Variants in SUCLG2 observed in about 807,000 individuals in gnomAD.
SUCLG2 encodes the protein succinate--CoA ligase [GDP-forming] subunit beta, mitochondrial.
Under a neutral mutation model 47.9 loss-of-function variants are expected in SUCLG2, and 42 were observed. The observed-to-expected ratio is 0.88, with a 90% CI of 0.69 to 1.14. SUCLG2 has a LOEUF of 1.14. Ranked by LOEUF, SUCLG2 falls within the 50% of genes most tolerant of loss-of-function variation. SUCLG2 has a pLI of 0.00. For missense variants in SUCLG2, 571 were observed against 525.9 expected (o/e 1.09, Z -0.84); for synonymous variants, 195 against 197.3 (o/e 0.99, Z 0.10).
intron 10 of SUCLG2, among the ~76,000 whole-genome samples, chr3:67,390,100 T>C (rs1337326336): frequency 6.6e-6 from 1 of 152,202 alleles, no homozygotes; most frequent in Non-Finnish European, 1.5e-5. Context: ...CTGCCACATG[T>C]TTATCACAGT....
rs943004541 is a variant in SUCLG2 at position 67,369,139 on chromosome 3, C to T, written c.1184-8371G>A. ...CCTTCTCCACTGATTTTCTTACCTC[C>T]CTTTTCTTCTTTTTCTGTTTTTATG... On this transcript the variant is annotated intron_variant, in intron 10 of 10. Transcript: ENST00000493112. 3.3e-5 allele frequency among the ~76,000 whole-genome samples: 5 copies of T among 151,944 alleles called. No individual in the cohort carries two copies. The East Asian group carries it at 7.7e-4, about 23-fold the overall frequency.
chr3:67,383,504 C>G (rs150049892), intron 10 of SUCLG2, among the ~76,000 whole-genome samples: 1 of 152,184 alleles, frequency 6.6e-6, no homozygotes, highest in Non-Finnish European at 1.5e-5. Flanking sequence ...CACACCTAAT[C>G]TCCTCGATGA....
intron 2 of SUCLG2, among the ~76,000 whole-genome samples, chr3:67,550,922 G>A (rs755845505): frequency 5.3e-5 from 8 of 152,090 alleles, no homozygotes; most frequent in Middle Eastern, 3.4e-3. Context: ...CAGGGGCGGC[G>A]GCAGAAATGC....
chr3:67,508,718 G>C, intron 7 of SUCLG2, 89 bp downstream of exon 7: 2 of 964,754 alleles, frequency 2.1e-6, no homozygotes, highest in Non-Finnish European at 3.1e-6. Context: ...TTTATGCAAA[G>C]CTGCTGCTAC....
intron 9 of SUCLG2, among the ~76,000 whole-genome samples, chr3:67,421,755 T>C (rs921677325): frequency 2.6e-5 from 4 of 152,188 alleles, no homozygotes; most frequent in African/African-American, 7.2e-5. Context: ...TAGGTCAAAT[T>C]TGGCTTTTAT....
chr3:67,555,548 G>A lies in SUCLG2; in HGVS notation c.227-26362C>T, dbSNP rs915603533. On this transcript the variant is annotated intron_variant, in intron 2 of 10. Coordinates refer to ENST00000307227, the MANE Select transcript of SUCLG2 (RefSeq NM_003848.4). ...TTCTTAGAGAAATGGCTGATACCAG[G>A]GCTGGGACAAAAAAGGGATAAGTTG... is the stretch of plus-strand genomic sequence containing the variant. 2.0e-5 allele frequency among the ~76,000 whole-genome samples: 3 copies of A among 151,954 alleles called. No homozygotes were observed. In the East Asian group the frequency reaches 5.8e-4, roughly 29 times the overall value.
chr3:67,606,902 T>C (rs1024635350), intron 2 of SUCLG2, among the ~76,000 whole-genome samples: 1 of 152,210 alleles, frequency 6.6e-6, no homozygotes, highest in Non-Finnish European at 1.5e-5. Flanking sequence ...TGCATATACA[T>C]TTCAACTGAC....
chr3:67,414,880 A>T (rs754285956), intron 9 of SUCLG2, among the ~76,000 whole-genome samples: 2 of 152,236 alleles, frequency 1.3e-5, no homozygotes, highest in East Asian at 3.9e-4. Context: ...TATGAGATGC[A>T]ATCTTGGCTC....
intron 9 of SUCLG2, among the ~76,000 whole-genome samples, chr3:67,419,202 T>G (rs1445162993): frequency 6.6e-6 from 1 of 152,210 alleles, no homozygotes; most frequent in Non-Finnish European, 1.5e-5. Context: ...GATGGCCTGT[T>G]GAGAGGAACA....
At chr3:67,395,794 A>G (rs1046680334) in intron 10 of SUCLG2, among the ~76,000 whole-genome samples, 58 of 152,290 alleles carry the variant, frequency 3.8e-4, no homozygotes, top group South Asian at 2.3e-3. Flanking sequence ...CAGCTAAAGT[A>G]AAAGAACAGA....
intron 1 of SUCLG2, among the ~76,000 whole-genome samples, chr3:67,614,795 C>A (rs1008809737): frequency 6.6e-6 from 1 of 152,120 alleles, no homozygotes; most frequent in African/African-American, 2.4e-5. Flanking sequence ...AACCTGGAGG[C>A]CTGATGAGGG....
At chr3:67,526,206 G>A (rs1575755348) in intron 4 of SUCLG2, among the ~76,000 whole-genome samples, 1 of 152,224 alleles carries the variant, frequency 6.6e-6, no homozygotes, top group South Asian at 2.1e-4. Flanking sequence ...CCAATATTTT[G>A]GCTTCCCTGG....
chr3:67,579,519 A>C (rs904421678), intron 2 of SUCLG2, among the ~76,000 whole-genome samples: 1 of 152,160 alleles, frequency 6.6e-6, no homozygotes, highest in Non-Finnish European at 1.5e-5. Flanking sequence ...ATCAGGGGTA[A>C]AATTCGAACA....
chr3:67,604,607 A>G (rs963439572), intron 2 of SUCLG2, among the ~76,000 whole-genome samples: 4 of 151,978 alleles, frequency 2.6e-5, no homozygotes, highest in African/African-American at 7.3e-5. Flanking sequence ...CATGAGAGAC[A>G]TTAATGATGC....
At chr3:67,534,341 A>G (rs186046891) in intron 2 of SUCLG2, among the ~76,000 whole-genome samples, 2 of 152,280 alleles carry the variant, frequency 1.3e-5, no homozygotes, top group East Asian at 1.9e-4. Context: ...AAATGTATTT[A>G]TGCTTTCGAC....
chr3:67,398,933 A>T (rs970799605), intron 10 of SUCLG2, among the ~76,000 whole-genome samples: 2 of 149,754 alleles, frequency 1.3e-5, no homozygotes, highest in South Asian at 2.2e-4. Flanking sequence ...AAAAAACCAA[A>T]CACCACATGT....
chr3:67,397,272 C>CCCCATCGTCTCAG (rs1169209292), intron 10 of SUCLG2, among the ~76,000 whole-genome samples: 2 of 152,154 alleles, frequency 1.3e-5, no homozygotes, highest in East Asian at 3.9e-4. Context: ...ATCTAGAAAA[C>CCCCATCGTCTCAG]CCCATCGTCT....
Position 67,375,528 on chromosome 3 carries a change from T to G in SUCLG2, c.*216A>C. ...GCAGGCTTACAGTGACAGAAAAGTA[T>G]GAGAACACAAGATATTATTTTTATA... is the stretch of plus-strand genomic sequence containing the variant. On this transcript the variant is annotated 3_prime_UTR_variant, in exon 11 of 11. Transcript: ENST00000307227. The G allele has an allele frequency of 6.9e-6, 9 of 1,311,058 alleles. No individual in the cohort carries two copies. Among genetic ancestry groups the G allele is most frequent in the Non-Finnish European group, 8.7e-6 (9 of 1,028,806 alleles). 81.2% of individuals were successfully genotyped at this position (1,311,058 alleles called of 1,614,324 possible).
At chr3:67,404,050 T>C (rs1702749366) in intron 9 of SUCLG2, among the ~76,000 whole-genome samples, 1 of 152,152 alleles carries the variant, frequency 6.6e-6, no homozygotes, top group South Asian at 2.1e-4. Context: ...CACACCTGAC[T>C]AGTTTTTGCA....
Sources: allele counts gnomAD v4.1 joint callset (sites outside exome capture counted in the v4.1 genomes callset), GRCh38; gene constraint gnomAD v4.1.1; transcripts MANE v1.5; gene names NCBI Gene and HGNC (gene_info 2026-07-23, HGNC 2026-07-21).